Variants in FILIP1L observed in about 807,000 individuals in gnomAD.
The protein encoded by FILIP1L is filamin A interacting protein 1 like.
In FILIP1L, 55 loss-of-function variants were observed where a neutral mutation model predicts 96.6. That is an observed-to-expected ratio of 0.57 (90% CI 0.46 to 0.71). The LOEUF (loss-of-function observed/expected upper bound fraction) is 0.71, where lower values mean the gene tolerates loss of function less well. FILIP1L is among the 30% of genes least tolerant of loss of function. The probability of loss-of-function intolerance (pLI) is 0.00; values close to 1 mark genes in which losing one functional copy is unlikely to be tolerated. For missense variants in FILIP1L, 1,304 were observed against 1,321.2 expected, an observed-to-expected ratio of 0.99 and a Z score of 0.20; for synonymous variants, 467 against 473.9, an observed-to-expected ratio of 0.99 and a Z score of 0.19.
intron 1 of FILIP1L, among the ~76,000 whole-genome samples, chr3:99,973,863 G>T (rs1708893676): frequency 1.3e-5 from 2 of 152,126 alleles, no homozygotes; most frequent in Admixed American, 6.5e-5. Flanking sequence ...AGGGATGGTT[G>T]CTCTAAGTTT....
At chr3:100,091,829 C>G (rs1406252536) in intron 1 of FILIP1L, among the ~76,000 whole-genome samples, 1 of 152,188 alleles carries the variant, frequency 6.6e-6, no homozygotes, top group Non-Finnish European at 1.5e-5. Flanking sequence ...TCTCGTGATT[C>G]ACAGGTACAT....
chr3:100,010,647 C>G (rs1347888948), intron 1 of FILIP1L, among the ~76,000 whole-genome samples: 1 of 150,960 alleles, frequency 6.6e-6, no homozygotes, highest in Non-Finnish European at 1.5e-5. Context: ...TGGAGTGTCC[C>G]TCTGTCACCC....
intron 1 of FILIP1L, among the ~76,000 whole-genome samples, chr3:99,965,223 G>C (rs1410644024): frequency 6.6e-6 from 1 of 152,232 alleles, no homozygotes; most frequent in Non-Finnish European, 1.5e-5. Flanking sequence ...AAATATATGA[G>C]TCAGGTATTT....
chr3:100,101,764 TC>T (rs1336022525), intron 1 of FILIP1L, among the ~76,000 whole-genome samples: 2 of 151,924 alleles, frequency 1.3e-5, no homozygotes. Context: ...ATGCTATCCC[TC>T]CCCGCTCCCC....
chr3:99,854,812 G>A lies in FILIP1L; in HGVS notation c.606-3742C>T, dbSNP rs1943878570. On this transcript the variant is annotated intron_variant, in intron 4 of 5. Transcript: ENST00000477258. ...TGCTTTACTCAGCTTTAATTAAACA[G>A]GTGCAACTGAGAGCTCCCACCTGAA... Among the ~76,000 whole-genome samples the A allele has an allele frequency of 2.0e-5, 3 of 152,142 alleles. 1 individual carries two copies. The highest frequency in any genetic ancestry group is 2.0e-4 in the Admixed American group (3 of 15,262).
chr3:99,926,513 G>T (rs1188462670), intron 3 of FILIP1L, among the ~76,000 whole-genome samples: 1 of 152,166 alleles, frequency 6.6e-6, no homozygotes, highest in African/African-American at 2.4e-5. Flanking sequence ...AACTCCTTTT[G>T]CAATTTGAGA....
intron 5 of FILIP1L, among the ~76,000 whole-genome samples, chr3:99,846,031 G>C (rs1943349544): frequency 6.6e-6 from 1 of 152,202 alleles, no homozygotes; most frequent in Non-Finnish European, 1.5e-5. Context: ...TTATTATAGA[G>C]AATTTCTGTA....
chr3:99,951,244 A>G (rs932099152), intron 1 of FILIP1L, among the ~76,000 whole-genome samples: 1 of 152,128 alleles, frequency 6.6e-6, no homozygotes, highest in South Asian at 2.1e-4. Flanking sequence ...TCATAACCAC[A>G]TTATACACTC....
At chr3:99,962,029 G>A (rs1034970732) in intron 1 of FILIP1L, among the ~76,000 whole-genome samples, 2 of 152,108 alleles carry the variant, frequency 1.3e-5, no homozygotes, top group Non-Finnish European at 2.9e-5. Context: ...TAGGGATGTC[G>A]GGGAAATTTT....
At chr3:99,989,775 T>C (rs1709459402) in intron 1 of FILIP1L, among the ~76,000 whole-genome samples, 1 of 151,934 alleles carries the variant, frequency 6.6e-6, no homozygotes. Context: ...ATGTTAATAT[T>C]AAAAGTTAGA....
intron 1 of FILIP1L, among the ~76,000 whole-genome samples, chr3:100,007,624 A>T (rs1366619426): frequency 1.3e-5 from 2 of 152,174 alleles, no homozygotes; most frequent in African/African-American, 4.8e-5. Context: ...CAGAAAGTGT[A>T]CAGATTTTGC....
At chr3:99,887,375 G>A (rs1193176196) in intron 4 of FILIP1L, among the ~76,000 whole-genome samples, 3 of 152,222 alleles carry the variant, frequency 2.0e-5, no homozygotes, top group African/African-American at 4.8e-5. Flanking sequence ...AAGGAGAATG[G>A]TGGAACAAAG....
chr3:99,983,464 G>GTATATA (rs1191587665), intron 1 of FILIP1L, among the ~76,000 whole-genome samples: 44 of 12,654 alleles, frequency 3.5e-3, no homozygotes, highest in Non-Finnish European at 6.4e-3. Flanking sequence ...ATATATGTGT[G>GTATATA]TATATATATA....
intron 1 of FILIP1L, among the ~76,000 whole-genome samples, chr3:99,955,634 C>G (rs114102918): frequency 3.0e-3 from 460 of 152,212 alleles, no homozygotes; most frequent in African/African-American, 0.011. Flanking sequence ...TCCTGGAGCT[C>G]CGTTAGTCTT....
chr3:99,861,298 C>A lies in FILIP1L; in HGVS notation c.606-10228G>T, dbSNP rs113385501. ...CTTAATCCTCCAAAGCCTACCTGGG[C>A]CTTCCACAGCCATGATGCCTTCCCC... On this transcript the variant is annotated intron_variant, in intron 4 of 5. Transcript: ENST00000477258. 2.4e-3 allele frequency among the ~76,000 whole-genome samples: 359 copies of A among 152,332 alleles called. 3 individuals carry two copies. The highest frequency in any genetic ancestry group is 7.3e-3 in the Admixed American group (111 of 15,306).
At chr3:99,980,173 T>G (rs1709080544) in intron 1 of FILIP1L, among the ~76,000 whole-genome samples, 1 of 152,092 alleles carries the variant, frequency 6.6e-6, no homozygotes, top group Non-Finnish European at 1.5e-5. Context: ...TTTGGAGTAG[T>G]TTATTGGACA....
chr3:99,874,066 G>A (rs1285676299), intron 4 of FILIP1L, among the ~76,000 whole-genome samples: 1 of 152,158 alleles, frequency 6.6e-6, no homozygotes, highest in Non-Finnish European at 1.5e-5. Context: ...AGTTTTAAAA[G>A]AGGTCTTATG....
intron 5 of FILIP1L, among the ~76,000 whole-genome samples, chr3:99,840,950 C>T (rs1182305706): frequency 1.3e-5 from 2 of 152,276 alleles, no homozygotes; most frequent in South Asian, 4.1e-4. Flanking sequence ...TGACAGTTTC[C>T]CACTTGATTA....
At chr3:99,856,320 C>T (rs1206999267) in intron 4 of FILIP1L, among the ~76,000 whole-genome samples, 4 of 152,278 alleles carry the variant, frequency 2.6e-5, no homozygotes, top group Non-Finnish European at 2.9e-5. Flanking sequence ...GAATAGTGGA[C>T]GTAGACGTTG....
Sources: gnomAD v4.1 joint callset for allele counts (sites outside exome capture counted in the v4.1 genomes callset) on GRCh38, gnomAD v4.1.1 for gene constraint, MANE v1.5 for transcripts, NCBI Gene and HGNC (gene_info 2026-07-23, HGNC 2026-07-21) for gene names.